Variants in DNASE1 observed in about 807,000 individuals in gnomAD.
DNASE1 encodes the protein deoxyribonuclease 1.
Under a neutral mutation model 33.9 loss-of-function variants are expected in DNASE1, and 40 were observed. That is an observed-to-expected ratio of 1.18 (90% CI 0.92 to 1.54). The LOEUF is 1.54. Ranked by LOEUF, DNASE1 falls within the 40% of genes most tolerant of loss-of-function variation. DNASE1 has a pLI of 0.00. For synonymous variants in DNASE1, 216 were observed against 160.0 expected, an observed-to-expected ratio of 1.35 and a Z score of -2.64; for missense variants, 518 against 372.6, an observed-to-expected ratio of 1.39 and a Z score of -3.21.
intron 1 of DNASE1, among the ~76,000 whole-genome samples, chr16:3,629,225 T>C (rs1458380832): frequency 2.7e-5 from 4 of 150,086 alleles, no homozygotes; most frequent in Non-Finnish European, 5.9e-5. Flanking sequence ...TTTAACAATG[T>C]AGGTTTTTCA....
At chr16:3,654,422 G>A (rs148306760), upstream of DNASE1, 254 of 398,728 alleles carry the variant, frequency 6.4e-4, no homozygotes, top group Middle Eastern at 3.8e-3. Flanking sequence ...GCGTGTCCTG[G>A]GCCACAGAGC....
At chr16:3,663,710 A>G (rs1038199975) in exon 10 of DNASE1, 23 of 911,370 alleles carry the variant, frequency 2.5e-5, no homozygotes, top group Middle Eastern at 3.4e-4. Flanking sequence ...CCTGCATGAC[A>G]GTTACTACGA....
upstream of DNASE1, among the ~76,000 whole-genome samples, chr16:3,641,917 G>T (rs1416923328): frequency 6.6e-6 from 1 of 152,216 alleles, no homozygotes; most frequent in South Asian, 2.1e-4. Flanking sequence ...CTTCCCAGCC[G>T]TCCCACCCAG....
intron 1 of DNASE1, among the ~76,000 whole-genome samples, chr16:3,636,955 C>G (rs1031614755): frequency 3.1e-4 from 47 of 151,778 alleles, no homozygotes; most frequent in Admixed American, 2.3e-3. Context: ...GAAAGCCTGT[C>G]TCTACTAAAA....
chr16:3,621,912 C>T (rs943067959), intron 1 of DNASE1, among the ~76,000 whole-genome samples: 1 of 151,974 alleles, frequency 6.6e-6, no homozygotes, highest in Non-Finnish European at 1.5e-5. Flanking sequence ...GGGGTGTTAC[C>T]CAGTTACCTT....
At position 3,657,707 on chromosome 16, in the gene DNASE1, CA is replaced by C; in HGVS notation, c.705-11del. 1 of 1,613,800 alleles carries C rather than the reference CA, an allele frequency of 6.2e-7. No individual in the cohort carries two copies. The highest frequency in any genetic ancestry group is 8.5e-7 in the Non-Finnish European group (1 of 1,179,954). Reference sequence around the variant, plus strand: ...GAAAGGGGAACCTACTTTCTCTTCCCAACACCCATCAGGATCGTGGTTGCAG... The same window carrying C: ...GAAAGGGGAACCTACTTTCTCTTCCCACACCCATCAGGATCGTGGTTGCAG... On this transcript the variant is annotated splice_polypyrimidine_tract_variant and intron_variant, in intron 7 of 8. Coordinates refer to ENST00000246949, the MANE Select transcript of DNASE1 (RefSeq NM_005223.4).
upstream of DNASE1, chr16:3,640,939 A>G (rs1003024552): frequency 1.8e-5 from 7 of 398,304 alleles, no homozygotes; most frequent in Non-Finnish European, 2.7e-5. Context: ...TCCTGTCTCG[A>G]TGGCTCCACC....
intron 1 of DNASE1, among the ~76,000 whole-genome samples, chr16:3,637,129 A>AAAAAAG (rs555621770): frequency 6.6e-6 from 1 of 152,118 alleles, no homozygotes; most frequent in African/African-American, 2.4e-5. Context: ...ATCTCAAAAA[A>AAAAAAG]AAAAGAAAAG....
In DNASE1 at chr16:3,646,219, G is replaced by C. The variant is rs370123781; in HGVS notation, c.-86+3183G>C. Among the ~76,000 whole-genome samples, 10 of 152,248 alleles carry C rather than the reference G, an allele frequency of 6.6e-5. No homozygotes were observed. The East Asian group carries it at 1.9e-3, about 29-fold the overall frequency. On this transcript the variant is annotated intron_variant, in intron 1 of 9. Transcript: ENST00000407479. ...GGGTTCTCAAGGTTTTTCTCTGGGGGGGGTCTGCGGGGAACCTGGAGCTGC... is the reference window on the plus strand; with the variant it reads ...GGGTTCTCAAGGTTTTTCTCTGGGGCGGGTCTGCGGGGAACCTGGAGCTGC...
At chr16:3,657,679 T>G in intron 7 of DNASE1, 41 bp from the exon 8 acceptor site, 1 of 1,611,856 alleles carries the variant, frequency 6.2e-7, no homozygotes, top group Non-Finnish European at 8.5e-7. Flanking sequence ...CAGGCCCATG[T>G]GTGAAAGGGG....
intron 1 of DNASE1, among the ~76,000 whole-genome samples, chr16:3,643,400 C>G (rs1011090619): frequency 2.2e-4 from 34 of 152,210 alleles, no homozygotes; most frequent in African/African-American, 8.2e-4. Context: ...GGTGCAGGGC[C>G]CTAAGAAATA....
At chr16:3,617,896 C>T (rs1017290129) in intron 1 of DNASE1, among the ~76,000 whole-genome samples, 4 of 152,154 alleles carry the variant, frequency 2.6e-5, no homozygotes, top group Admixed American at 2.0e-4. Context: ...TGATCTTGGA[C>T]TTCCCAGCCT....
downstream of DNASE1, chr16:3,658,299 C>CA (rs2042841949): frequency 8.0e-7 from 1 of 1,249,814 alleles, no homozygotes; most frequent in Non-Finnish European, 1.2e-6. Context: ...TTTTTTGAGA[C>CA]AGAGTCTCAC....
At chr16:3,633,703 C>T (rs2041775309) in intron 1 of DNASE1, among the ~76,000 whole-genome samples, 1 of 152,140 alleles carries the variant, frequency 6.6e-6, no homozygotes, top group Non-Finnish European at 1.5e-5. Context: ...TATACCACTT[C>T]ATGGGTTGTA....
chr16:3,651,487 A>C (rs912375077), upstream of DNASE1: 7 of 152,238 alleles, frequency 4.6e-5, no homozygotes, highest in African/African-American at 1.7e-4. Flanking sequence ...GGCATTCCCC[A>C]GGCCTATCTC....
At chr16:3,637,581 C>G (rs1004696576) in intron 1 of DNASE1, among the ~76,000 whole-genome samples, 1 of 152,164 alleles carries the variant, frequency 6.6e-6, no homozygotes, top group African/African-American at 2.4e-5. Context: ...TCAACCTTTC[C>G]CTTAGGCTGA....
At chr16:3,662,239 G>A (rs1388510096), downstream of DNASE1, 9 of 1,400,568 alleles carry the variant, frequency 6.4e-6, no homozygotes, top group African/African-American at 1.0e-4. Flanking sequence ...TAGCAGGCGG[G>A]GTCTCAAGGA....
At chr16:3,658,841 A>AT (rs1236943385), downstream of DNASE1, 3 of 1,613,902 alleles carry the variant, frequency 1.9e-6, no homozygotes, top group African/African-American at 4.0e-5. Context: ...CGCGCAGCTG[A>AT]TTCAGCTTCT....
At position 3,630,585 on chromosome 16, in the gene DNASE1, A is replaced by G. The variant is rs150749596; in HGVS notation, c.-1358-10130A>G. ...TCTTCTTGCTGTATTGAACCTTTATATAATGTCCTTTTTTAATCTTTTTTT... is the reference window on the plus strand; with the variant it reads ...TCTTCTTGCTGTATTGAACCTTTATGTAATGTCCTTTTTTAATCTTTTTTT... On this transcript the variant is annotated intron_variant and NMD_transcript_variant, in intron 1 of 11. Coordinates refer to the DNASE1 transcript ENST00000570769. 5.6e-3 allele frequency among the ~76,000 whole-genome samples: 850 copies of G among 152,214 alleles called. 6 individuals carry two copies. The highest frequency in any genetic ancestry group is 0.02 in the Middle Eastern group (6 of 294).
Sources: gnomAD v4.1 joint callset for allele counts (sites outside exome capture counted in the v4.1 genomes callset) on GRCh38, gnomAD v4.1.1 for gene constraint, MANE v1.5 for transcripts, NCBI Gene and HGNC (gene_info 2026-07-23, HGNC 2026-07-21) for gene names.